The following PCDH15 variants were observed in gnomAD, a reference collection of about 807,000 sequenced individuals.
PCDH15 encodes the protein protocadherin-15.
In PCDH15, 129 loss-of-function variants were observed where a neutral mutation model predicts 178.5. That is an observed-to-expected ratio of 0.72 (90% CI 0.63 to 0.84). The LOEUF is 0.84. Among genes scored for constraint, PCDH15 ranks in the 40% least tolerant of loss-of-function variants. The pLI is 0.00. For missense variants in PCDH15, 2,230 were observed against 2,099.9 expected, an observed-to-expected ratio of 1.06 and a Z score of -1.21; for synonymous variants, 800 against 732.0, an observed-to-expected ratio of 1.09 and a Z score of -1.50.
At chr10:55,350,864 T>C (rs1272288482) in intron 2 of PCDH15, among the ~76,000 whole-genome samples, 1 of 152,138 alleles carries the variant, frequency 6.6e-6, no homozygotes, top group Non-Finnish European at 1.5e-5. Context: ...TTCTACCAAT[T>C]GGCTCTTCTC....
intron 3 of PCDH15, among the ~76,000 whole-genome samples, chr10:54,809,297 A>G (rs1591713483): frequency 6.6e-6 from 1 of 152,270 alleles, no homozygotes; most frequent in East Asian, 1.9e-4. Context: ...AAATAAAGGA[A>G]ATATAAAACT....
At chr10:54,281,185 G>C (rs564097733) in intron 8 of PCDH15, among the ~76,000 whole-genome samples, 2 of 151,926 alleles carry the variant, frequency 1.3e-5, no homozygotes, top group African/African-American at 4.8e-5. Flanking sequence ...TAAATAAACT[G>C]TTCCCAACTT....
intron 3 of PCDH15, among the ~76,000 whole-genome samples, chr10:54,526,685 T>G (rs933097730): frequency 2.0e-5 from 3 of 152,218 alleles, no homozygotes; most frequent in Non-Finnish European, 4.4e-5. Flanking sequence ...ATTTTTGTAA[T>G]TACTTAATGT....
intron 8 of PCDH15, among the ~76,000 whole-genome samples, chr10:54,278,331 C>A (rs79217088): frequency 0.1 from 15,398 of 151,480 alleles, 861 homozygotes; most frequent in Middle Eastern, 0.12. Flanking sequence ...AGTCAGTGAA[C>A]CTTGCCATAG....
chr10:55,442,469 A>ATATATT (rs1554869604), intron 2 of PCDH15, among the ~76,000 whole-genome samples: 2 of 68,688 alleles, frequency 2.9e-5, no homozygotes, highest in Non-Finnish European at 5.3e-5. Flanking sequence ...ATATATATAT[A>ATATATT]TTATATATAT....
At chr10:54,672,081 G>A (rs1182444696) in intron 1 of PCDH15, among the ~76,000 whole-genome samples, 1 of 152,024 alleles carries the variant, frequency 6.6e-6, no homozygotes, top group African/African-American at 2.4e-5. Flanking sequence ...TGTTCCTTAC[G>A]AGAATCTAAT....
At chr10:53,810,180 A>G (rs539280906) in intron 37 of PCDH15, among the ~76,000 whole-genome samples, 2 of 152,098 alleles carry the variant, frequency 1.3e-5, no homozygotes, top group Admixed American at 1.3e-4. Context: ...AAAGGTGGAG[A>G]CTATATTTTT....
At chr10:54,484,735 C>T (rs1440662256) in intron 3 of PCDH15, among the ~76,000 whole-genome samples, 3 of 151,630 alleles carry the variant, frequency 2.0e-5, no homozygotes, top group Non-Finnish European at 2.9e-5. Context: ...AAACAGAAAT[C>T]GAACGACAAT....
chr10:55,432,774 CT>C, intron 2 of PCDH15, among the ~76,000 whole-genome samples: 2 of 84,786 alleles, frequency 2.4e-5, no homozygotes, highest in Non-Finnish European at 4.1e-5. Context: ...CAACGCCCGG[CT>C]AATATATATA....
chr10:55,292,177 G>C (rs1007288643), intron 1 of PCDH15, among the ~76,000 whole-genome samples: 1 of 152,060 alleles, frequency 6.6e-6, no homozygotes, highest in Non-Finnish European at 1.5e-5. Context: ...AGTCTCATCT[G>C]AGACAAGGCA....
At chr10:55,564,082 A>G (rs543069152) in intron 2 of PCDH15, among the ~76,000 whole-genome samples, 1 of 151,962 alleles carries the variant, frequency 6.6e-6, no homozygotes, top group Non-Finnish European at 1.5e-5. Flanking sequence ...ACTTCAAGAG[A>G]CTAATATATT....
At chr10:54,652,001 C>T (rs939946022) in intron 2 of PCDH15, among the ~76,000 whole-genome samples, 1 of 151,832 alleles carries the variant, frequency 6.6e-6, no homozygotes, top group African/African-American at 2.4e-5. Context: ...ACCTACCTTC[C>T]CAGTTCTTAT....
intron 3 of PCDH15, among the ~76,000 whole-genome samples, chr10:54,829,465 C>T (rs1953186233): frequency 6.6e-6 from 1 of 151,966 alleles, no homozygotes; most frequent in African/African-American, 2.4e-5. Flanking sequence ...TAAGAAACCA[C>T]CCCTACAATA....
rs570828477 is a variant in PCDH15 at position 54,236,463 on chromosome 10, G to A, written c.985+360C>T. On this transcript the variant is annotated intron_variant, in intron 9 of 37. Coordinates refer to ENST00000644397, the MANE Select transcript of PCDH15 (RefSeq NM_001384140.1). ...AATTATGTATAGTAACCAACCAAAG[G>A]TAAAACACGTGTAAAATGTTTTTCA... Among the ~76,000 whole-genome samples, 333 of 151,926 alleles carry A rather than the reference G, an allele frequency of 2.2e-3. 1 individual carries two copies. The highest frequency in any genetic ancestry group is 7.8e-3 in the African/African-American group (324 of 41,442).
At chr10:55,495,117 C>A (rs1840502602) in intron 2 of PCDH15, among the ~76,000 whole-genome samples, 1 of 151,574 alleles carries the variant, frequency 6.6e-6, no homozygotes, top group African/African-American at 2.4e-5. Flanking sequence ...GGATTATATA[C>A]CTAAATATGT....
intron 2 of PCDH15, among the ~76,000 whole-genome samples, chr10:54,949,803 T>C (rs577311968): frequency 2.4e-4 from 36 of 152,084 alleles, no homozygotes; most frequent in Admixed American, 2.4e-3. Context: ...AGGGGCCAAA[T>C]GCTGCCAGTC....
At chr10:54,389,531 T>C (rs1950290784) in intron 3 of PCDH15, among the ~76,000 whole-genome samples, 1 of 152,184 alleles carries the variant, frequency 6.6e-6, no homozygotes, top group Admixed American at 6.5e-5. Flanking sequence ...TGTGGTCCCC[T>C]GACATAAGTA....
chr10:53,849,571 T>C (rs1168884733), intron 28 of PCDH15, among the ~76,000 whole-genome samples: 1 of 151,846 alleles, frequency 6.6e-6, no homozygotes, highest in Non-Finnish European at 1.5e-5. Flanking sequence ...TATAGAAAAA[T>C]ATGTACAAAT....
intron 18 of PCDH15, among the ~76,000 whole-genome samples, chr10:54,066,412 T>C (rs555291111): frequency 1.3e-5 from 2 of 152,302 alleles, no homozygotes; most frequent in East Asian, 3.9e-4. Flanking sequence ...CAAATCTAAA[T>C]ATATATATTT....
Sources: allele counts gnomAD v4.1 joint callset (sites outside exome capture counted in the v4.1 genomes callset), GRCh38; gene constraint gnomAD v4.1.1; transcripts MANE v1.5; gene names NCBI Gene and HGNC (gene_info 2026-07-23, HGNC 2026-07-21).